Variants in MRE11 observed in about 807,000 individuals in gnomAD.
The protein encoded by MRE11 is double-strand break repair protein MRE11.
Under a neutral mutation model 91.7 loss-of-function variants are expected in MRE11, and 62 were observed. That is an observed-to-expected ratio of 0.68 (90% CI 0.55 to 0.84). The LOEUF is 0.84. MRE11 is among the 40% of genes least tolerant of loss of function. The probability of loss-of-function intolerance (pLI) is 0.00; values close to 1 mark genes in which losing one functional copy is unlikely to be tolerated. For synonymous variants in MRE11, 273 were observed against 271.4 expected (o/e 1.01, Z -0.06); for missense variants, 796 against 852.9 (o/e 0.93, Z 0.83).
intron 6 of MRE11, among the ~76,000 whole-genome samples, chr11:94,477,103 A>C (rs1197635479): frequency 2.6e-5 from 4 of 152,192 alleles, no homozygotes; most frequent in Non-Finnish European, 5.9e-5. Context: ...AAACCAGCAA[A>C]ATGTAGAATA....
At chr11:94,507,774 A>G in the MRE11 span, among the ~76,000 whole-genome samples, 1 of 151,988 alleles carries the variant, frequency 6.6e-6, no homozygotes, top group Admixed American at 6.6e-5. Context: ...ATGACTGACC[A>G]CTTGGATCTT....
At chr11:94,437,694 C>T (rs1945658804) in intron 16 of MRE11, among the ~76,000 whole-genome samples, 1 of 152,156 alleles carries the variant, frequency 6.6e-6, no homozygotes, top group East Asian at 1.9e-4. Context: ...AAGAAATATT[C>T]CAGAGGAGAA....
intron 1 of MRE11, chr11:94,493,505 T>A (rs1947349757): frequency 6.6e-6 from 1 of 152,004 alleles, no homozygotes; most frequent in Admixed American, 6.6e-5. Flanking sequence ...AGCTCCAGAT[T>A]CCGTCGGGAT....
Position 94,429,958 on chromosome 11 carries a change from T to C in MRE11, c.2023A>G (p.Met675Val), listed in dbSNP as rs756418071. 15 of 1,614,152 alleles carry C rather than the reference T, an allele frequency of 9.3e-6. No homozygotes were observed. Among genetic ancestry groups the C allele is most frequent in the African/African-American group, 2.7e-5 (2 of 75,068 alleles). The change falls in exon 19 of 20, where the codon ATG (methionine) becomes GTG (valine). Residue 675 changes from methionine (M) to valine (V), a missense_variant. Coordinates refer to ENST00000323929, the MANE Select transcript of MRE11 (RefSeq NM_005591.4). ...RWSSTSSSKI[M>V]SQSQVSKGVD... is the part of the protein sequence containing the mutation. Reference sequence around the variant, plus strand: ...CCTTTCGATACTTGACTCTGGGACATGATTTTGCTGGATGATGTGCTGGAC... The same window carrying C: ...CCTTTCGATACTTGACTCTGGGACACGATTTTGCTGGATGATGTGCTGGAC...
At chr11:94,428,010 G>A (rs1052613840) in intron 19 of MRE11, among the ~76,000 whole-genome samples, 1 of 152,034 alleles carries the variant, frequency 6.6e-6, no homozygotes, top group Non-Finnish European at 1.5e-5. Flanking sequence ...AACTACCAAC[G>A]TCATTTTTCA....
At chr11:94,499,297 C>G in the MRE11 span, 1 of 152,616 alleles carries the variant, frequency 6.6e-6, no homozygotes, top group African/African-American at 2.4e-5. Context: ...AATATATCTG[C>G]TATCCAACTG....
Position 94,447,587 on chromosome 11 carries a change from G to A in MRE11, c.1564-149C>T, listed in dbSNP as rs535387594. On this transcript the variant is annotated intron_variant, in intron 14 of 19. Coordinates refer to ENST00000323929, the MANE Select transcript of MRE11 (RefSeq NM_005591.4). ...CTCACGCCTGTAATCTCAGCACTTT[G>A]GGAGGCCGAGGCGGGAGGATCACTT... 6.3e-6 allele frequency: 5 copies of A among 797,432 alleles called. No individual in the cohort carries two copies. The East Asian group carries it at 1.4e-4, about 22-fold the overall frequency. 49.4% of individuals were successfully genotyped at this position (797,432 alleles called of 1,614,324 possible).
the MRE11 span, among the ~76,000 whole-genome samples, chr11:94,504,234 T>C: frequency 2.8e-4 from 43 of 152,296 alleles, no homozygotes; most frequent in East Asian, 7.9e-3. Flanking sequence ...GCAGGGTTTT[T>C]GTACATAAGT....
rs786203913 is a variant in MRE11 at position 94,429,944 on chromosome 11, T to G, written c.2037A>C (p.Gln679His). 1 of 1,614,046 alleles carries G rather than the reference T, an allele frequency of 6.2e-7. No homozygotes were observed. The highest frequency in any genetic ancestry group is 1.1e-5 in the South Asian group (1 of 91,070). ...ATTCAAAATCAACCCCTTTCGATAC[T>G]TGACTCTGGGACATGATTTTGCTGG... is the stretch of plus-strand genomic sequence containing the variant. Reference protein sequence around the residue: ...TSSSKIMSQSQVSKGVDFESS... With the variant: ...TSSSKIMSQSHVSKGVDFESS... Residue 679 changes from glutamine to histidine, a missense_variant, in exon 19 of 20, where the codon CAA becomes CAC. Gln to His is a conservative substitution (Grantham distance 24). Transcript: ENST00000323929.
intron 19 of MRE11, among the ~76,000 whole-genome samples, chr11:94,426,249 G>A (rs1040276701): frequency 2.6e-5 from 4 of 151,904 alleles, no homozygotes; most frequent in Non-Finnish European, 5.9e-5. Flanking sequence ...ATGAAATTAA[G>A]GCAGAAATAA....
chr11:94,420,194 A>G lies in MRE11; in HGVS notation c.2071-13T>C. 1 of 1,583,214 alleles carries G rather than the reference A, an allele frequency of 6.3e-7. No individual in the cohort carries two copies. The highest frequency in any genetic ancestry group is 8.6e-7 in the Non-Finnish European group (1 of 1,161,366). ...CATCATCATCATCCTGAAATGAGAT[A>G]CAAATGTTGTATTAGTGATTGTTCC... On this transcript the variant is annotated splice_polypyrimidine_tract_variant and intron_variant, in intron 19 of 19. Coordinates refer to ENST00000323929, the MANE Select transcript of MRE11 (RefSeq NM_005591.4).
chr11:94,468,300 G>A (rs1227054901), intron 9 of MRE11, among the ~76,000 whole-genome samples: 1 of 152,098 alleles, frequency 6.6e-6, no homozygotes, highest in African/African-American at 2.4e-5. Flanking sequence ...AAGAGTTCAA[G>A]GTAAAAGAAA....
rs1947319697 is a variant in MRE11, at chr11:94,492,731, C to T, written c.20+51G>A. On this transcript the variant is annotated intron_variant, in intron 2 of 19. Transcript: ENST00000323929. Reference sequence around the variant, plus strand: ...TTTCTTTTACTGTGATCACAGTTGACGAGCTTTAGAAACCCCAAATAACAA... The same window carrying T: ...TTTCTTTTACTGTGATCACAGTTGATGAGCTTTAGAAACCCCAAATAACAA... 3.7e-6 allele frequency: 6 copies of T among 1,608,898 alleles called. No individual in the cohort carries two copies. The East Asian group carries it at 8.9e-5, about 24-fold the overall frequency.
intron 10 of MRE11, among the ~76,000 whole-genome samples, chr11:94,467,282 C>T (rs1350951476): frequency 6.6e-6 from 1 of 152,040 alleles, no homozygotes; most frequent in Non-Finnish European, 1.5e-5. Flanking sequence ...TTTATAGGCA[C>T]AGGAAACAAT....
At position 94,460,838 on chromosome 11, in the gene MRE11, G is replaced by A. The variant is rs1189951298; in HGVS notation, c.1326+98C>T. The A allele has an allele frequency of 4.1e-6, 4 of 970,272 alleles. No homozygotes were observed. In the Admixed American group the frequency reaches 6.1e-5, roughly 15 times the overall value. 60.1% of individuals were successfully genotyped at this position (970,272 alleles called of 1,614,324 possible). On this transcript the variant is annotated intron_variant, in intron 12 of 19. Coordinates refer to ENST00000323929, the MANE Select transcript of MRE11 (RefSeq NM_005591.4). Reference sequence around the variant, plus strand: ...TACTTACTTCATAGAAACATTTTGAGGATTCATTTTGTTTAAACTATCAAC... The same window carrying A: ...TACTTACTTCATAGAAACATTTTGAAGATTCATTTTGTTTAAACTATCAAC...
Position 94,492,820 on chromosome 11 carries a change from T to C in MRE11, c.-19A>G. ...TACTCATTTTTATGGTCAGTCAAGC[T>C]CCTCTGGGACCAGGTTCTTCTCCAA... On this transcript the variant is annotated 5_prime_UTR_variant, in exon 2 of 20. Coordinates refer to ENST00000323929, the MANE Select transcript of MRE11 (RefSeq NM_005591.4). 1 of 1,612,936 alleles carries C rather than the reference T, an allele frequency of 6.2e-7. No homozygotes were observed. Among genetic ancestry groups the C allele is most frequent in the Non-Finnish European group, 8.5e-7 (1 of 1,179,492 alleles).
rs1370288232 is a variant in MRE11 at position 94,418,424 on chromosome 11, A to C, written c.*1701T>G. ...AAAAAAACTTTATTCCTTTTTTCCTAGGAACTTGTCAGGATACTTTAGTGA... is the reference window on the plus strand; with the variant it reads ...AAAAAAACTTTATTCCTTTTTTCCTCGGAACTTGTCAGGATACTTTAGTGA... On this transcript the variant is annotated 3_prime_UTR_variant, in exon 20 of 20. Coordinates refer to ENST00000323929, the MANE Select transcript of MRE11 (RefSeq NM_005591.4). 1 of 231,234 alleles carries C rather than the reference A, an allele frequency of 4.3e-6. No individual in the cohort carries two copies. Among genetic ancestry groups the C allele is most frequent in the African/African-American group, 2.2e-5 (1 of 45,024 alleles). 14.3% of individuals were successfully genotyped at this position (231,234 alleles called of 1,614,324 possible). A position where few individuals can be genotyped will look rare whatever the true frequency, so the allele number is the denominator to read the frequency against.
chr11:94,501,427 G>GT, the MRE11 span, among the ~76,000 whole-genome samples: 1 of 152,008 alleles, frequency 6.6e-6, no homozygotes, highest in African/African-American at 2.4e-5. Flanking sequence ...GTTGAAAATC[G>GT]TAAGAGCCAT....
chr11:94,506,127 A>C, the MRE11 span, among the ~76,000 whole-genome samples: 1 of 152,156 alleles, frequency 6.6e-6, no homozygotes, highest in East Asian at 1.9e-4. Context: ...TTGAAATTTT[A>C]AAAGGATAAC....
Sources: allele counts gnomAD v4.1 joint callset (sites outside exome capture counted in the v4.1 genomes callset), GRCh38; gene constraint gnomAD v4.1.1; transcripts MANE v1.5; gene names NCBI Gene and HGNC (gene_info 2026-07-23, HGNC 2026-07-21).